TMEM163: variants seen among roughly 807,000 people sequenced by gnomAD.
TMEM163 encodes transmembrane protein 163.
TMEM163 carries 17 observed loss-of-function variants against 29.3 expected under a neutral mutation model. That is an observed-to-expected ratio of 0.58 (90% CI 0.40 to 0.87). The LOEUF (loss-of-function observed/expected upper bound fraction) is 0.87, where lower values mean the gene tolerates loss of function less well. Ranked by LOEUF, TMEM163 falls within the 40% of genes least tolerant of loss-of-function variation. The probability of loss-of-function intolerance (pLI) is 0.00; values close to 1 mark genes in which losing one functional copy is unlikely to be tolerated. For missense variants in TMEM163, 303 were observed against 381.5 expected (o/e 0.79, Z 1.71); for synonymous variants, 157 against 160.6 (o/e 0.98, Z 0.17).
At chr2:134,588,795 A>C (rs894813927) in intron 2 of TMEM163, among the ~76,000 whole-genome samples, 1 of 152,190 alleles carries the variant, frequency 6.6e-6, no homozygotes, top group Non-Finnish European at 1.5e-5. Context: ...TGATCATGTC[A>C]GAATCAAGAA....
intron 2 of TMEM163, among the ~76,000 whole-genome samples, chr2:134,566,663 G>A (rs1574243156): frequency 6.6e-6 from 1 of 152,154 alleles, no homozygotes; most frequent in Non-Finnish European, 1.5e-5. Flanking sequence ...GTGCAGCTTG[G>A]AGATGTTTAT....
chr2:134,704,545 G>T (rs1353556006), intron 2 of TMEM163, among the ~76,000 whole-genome samples: 1 of 152,160 alleles, frequency 6.6e-6, no homozygotes, highest in African/African-American at 2.4e-5. Context: ...CTCCCTGCAG[G>T]TGTTCTTCCT....
At chr2:134,536,076 G>A (rs1359916166) in intron 4 of TMEM163, among the ~76,000 whole-genome samples, 4 of 152,134 alleles carry the variant, frequency 2.6e-5, no homozygotes, top group Admixed American at 6.5e-5. Context: ...GAGGGCGCAC[G>A]CGTATATACG....
chr2:134,484,975 A>G (rs1368460811), intron 5 of TMEM163, among the ~76,000 whole-genome samples: 3 of 152,192 alleles, frequency 2.0e-5, no homozygotes, highest in African/African-American at 7.2e-5. Flanking sequence ...TATATATATG[A>G]CTAACTTGGA....
intron 2 of TMEM163, among the ~76,000 whole-genome samples, chr2:134,596,391 T>G (rs1682084175): frequency 6.6e-6 from 1 of 152,240 alleles, no homozygotes; most frequent in South Asian, 2.1e-4. Context: ...ATTTCTTGTT[T>G]TTGTCAGGTT....
intron 7 of TMEM163, among the ~76,000 whole-genome samples, chr2:134,457,822 C>G (rs967670663): frequency 1.3e-5 from 2 of 152,248 alleles, no homozygotes; most frequent in African/African-American, 2.4e-5. Context: ...GGCCTGATAC[C>G]TCTTGTCCCT....
chr2:134,469,229 G>A (rs914022243), intron 5 of TMEM163: 3 of 152,114 alleles, frequency 2.0e-5, no homozygotes, highest in African/African-American at 7.2e-5. Context: ...GAAGTTTCCT[G>A]TACCTGGGAG....
At chr2:134,697,071 C>T (rs1005264642) in intron 2 of TMEM163, among the ~76,000 whole-genome samples, 16 of 152,088 alleles carry the variant, frequency 1.1e-4, no homozygotes, top group African/African-American at 2.4e-4. Context: ...CCACCATGCC[C>T]GGCTTCCCTT....
intron 2 of TMEM163, 91 bp from the exon 3 acceptor site, chr2:134,552,182 T>A: frequency 9.7e-7 from 1 of 1,030,800 alleles, no homozygotes; most frequent in Non-Finnish European, 1.4e-6. Context: ...TAAACATCAG[T>A]GGGGAAGTTC....
At chr2:134,537,738 T>TA (rs1259496164) in intron 4 of TMEM163, among the ~76,000 whole-genome samples, 1 of 152,150 alleles carries the variant, frequency 6.6e-6, no homozygotes, top group African/African-American at 2.4e-5. Context: ...TTTGTGCCAT[T>TA]AAAATCAAGC....
chr2:134,552,823 A>T (rs1430336936), intron 2 of TMEM163, among the ~76,000 whole-genome samples: 1 of 151,674 alleles, frequency 6.6e-6, no homozygotes. Flanking sequence ...CACCACACCC[A>T]GCTAATTTTT....
At chr2:134,694,305 T>G (rs897320115) in intron 2 of TMEM163, among the ~76,000 whole-genome samples, 2 of 152,184 alleles carry the variant, frequency 1.3e-5, no homozygotes, top group African/African-American at 2.4e-5. Context: ...GTTATTAGAA[T>G]CCCAGTACTA....
At chr2:134,593,256 T>C (rs1281667690) in intron 2 of TMEM163, among the ~76,000 whole-genome samples, 2 of 152,090 alleles carry the variant, frequency 1.3e-5, no homozygotes, top group Admixed American at 6.6e-5. Context: ...TTGGAAAATA[T>C]GCAAATTTCC....
At chr2:134,483,959 C>G (rs553021555) in intron 5 of TMEM163, among the ~76,000 whole-genome samples, 12 of 152,274 alleles carry the variant, frequency 7.9e-5, no homozygotes, top group African/African-American at 2.9e-4. Context: ...GCCTGGCCAA[C>G]ATGGCAAAAC....
intron 4 of TMEM163, among the ~76,000 whole-genome samples, chr2:134,508,258 T>C (rs1439492294): frequency 6.6e-6 from 1 of 152,214 alleles, no homozygotes; most frequent in East Asian, 1.9e-4. Context: ...TAATTTACGA[T>C]AGATCTAAAC....
At chr2:134,485,966 A>G (rs1040775487) in intron 5 of TMEM163, among the ~76,000 whole-genome samples, 3 of 152,208 alleles carry the variant, frequency 2.0e-5, no homozygotes, top group Admixed American at 6.5e-5. Context: ...TCCATGAGAA[A>G]GTCCCCTTGA....
intron 4 of TMEM163, among the ~76,000 whole-genome samples, chr2:134,516,529 C>A (rs1680059626): frequency 6.6e-6 from 1 of 150,982 alleles, no homozygotes. Flanking sequence ...CCACTGCACT[C>A]CAGCCTGGGC....
intron 4 of TMEM163, among the ~76,000 whole-genome samples, chr2:134,519,133 A>T (rs1387855668): frequency 6.6e-6 from 1 of 152,330 alleles, no homozygotes; most frequent in East Asian, 1.9e-4. Flanking sequence ...GTAGTAGCCC[A>T]CAATTCCGTG....
At chr2:134,482,384 C>T (rs1679212746) in intron 5 of TMEM163, among the ~76,000 whole-genome samples, 1 of 152,140 alleles carries the variant, frequency 6.6e-6, no homozygotes, top group Non-Finnish European at 1.5e-5. Flanking sequence ...CCCAACCCAC[C>T]CTTTCCCCTA....
Sources: gnomAD v4.1 joint callset for allele counts (sites outside exome capture counted in the v4.1 genomes callset) on GRCh38, gnomAD v4.1.1 for gene constraint, MANE v1.5 for transcripts, NCBI Gene and HGNC (gene_info 2026-07-23, HGNC 2026-07-21) for gene names.